Variants in ZDHHC13 observed in about 807,000 individuals in gnomAD.
ZDHHC13 encodes the protein zDHHC palmitoyltransferase 13.
In ZDHHC13, 85 loss-of-function variants were observed where a neutral mutation model predicts 86.0. The ratio of observed to expected loss-of-function variants is 0.99; its 90% CI spans 0.83 to 1.18. The LOEUF is 1.18. ZDHHC13 is among the 50% of genes most tolerant of loss of function. The pLI is 0.00. For synonymous variants in ZDHHC13, 263 were observed against 246.4 expected, an observed-to-expected ratio of 1.07 and a Z score of -0.63; for missense variants, 711 against 730.2, an observed-to-expected ratio of 0.97 and a Z score of 0.30.
rs1848673914 is a variant in ZDHHC13 at position 19,117,641 on chromosome 11, C to T, written c.27+365C>T. 1.8e-5 allele frequency: 5 copies of T among 283,786 alleles called. No individual in the cohort carries two copies. The Admixed American group carries it at 2.6e-4, about 15-fold the overall frequency. 17.6% of individuals were successfully genotyped at this position (283,786 alleles called of 1,614,324 possible). ...GTGACACACCTGATTCGGACCCGCC[C>T]GTCTTGACGTTGGCCCGGAGTCGGA... On this transcript the variant is annotated intron_variant, in intron 1 of 16. Coordinates refer to ENST00000446113, the MANE Select transcript of ZDHHC13 (RefSeq NM_019028.3). The surrounding 1 kb of genome is among the most constrained non-coding windows in gnomAD (Gnocchi z 4.2).
intron 14 of ZDHHC13, chr11:19,166,842 GAATACT>G (rs1488645059): frequency 6.5e-6 from 1 of 152,834 alleles, no homozygotes; most frequent in African/African-American, 2.4e-5. Flanking sequence ...GAACTGATGG[GAATACT>G]AACAGTTAAA....
At chr11:19,172,961 A>C (rs906503321) in intron 16 of ZDHHC13, 141 bp downstream of exon 16, 1 of 672,988 alleles carries the variant, frequency 1.5e-6, no homozygotes, top group Non-Finnish European at 2.4e-6. Flanking sequence ...TTCTTAGAGA[A>C]GCTTTAGTGA....
intron 4 of ZDHHC13, 103 bp downstream of exon 4, chr11:19,147,776 C>CCG: frequency 1.3e-6 from 1 of 762,442 alleles, no homozygotes; most frequent in Non-Finnish European, 1.9e-6. Context: ...TTTTCTTCCC[C>CCG]CCCCCCCTTT....
chr11:19,143,222 T>G, intron 2 of ZDHHC13, 99 bp downstream of exon 2: 1 of 1,271,202 alleles, frequency 7.9e-7, no homozygotes, highest in African/African-American at 1.5e-5. Flanking sequence ...CTCTCTTAAC[T>G]TCATAATAGT....
chr11:19,149,227 G>C lies in ZDHHC13; in HGVS notation c.415G>C (p.Gly139Arg). The C allele has an allele frequency of 6.2e-7, 1 of 1,602,180 alleles. No individual in the cohort carries two copies. The highest frequency in any genetic ancestry group is 8.5e-7 in the Non-Finnish European group (1 of 1,172,978). ...TATGGTCATATTATTACTCCAGCATGGTGCAGACCCCACTCTTATTGATGG... is the reference window on the plus strand; with the variant it reads ...TATGGTCATATTATTACTCCAGCATCGTGCAGACCCCACTCTTATTGATGG... ...LPMVILLLQH[G>R]ADPTLIDGEG... The change falls in exon 5 of 17, where the codon GGT (glycine) becomes CGT (arginine). Residue 139 changes from glycine (G) to arginine (R), a missense_variant. Transcript: ENST00000446113.
At chr11:19,147,779 C>CCT in intron 4 of ZDHHC13, 106 bp downstream of exon 4, 1 of 762,734 alleles carries the variant, frequency 1.3e-6, no homozygotes, top group Non-Finnish European at 1.9e-6. Flanking sequence ...TCTTCCCCCC[C>CCT]CCCCTTTATT....
At chr11:19,164,647 C>G in intron 12 of ZDHHC13, 1 of 449,210 alleles carries the variant, frequency 2.2e-6, no homozygotes, top group Non-Finnish European at 4.0e-6. Flanking sequence ...AACGTCAAAT[C>G]AGAGGCTCAT....
intron 1 of ZDHHC13, among the ~76,000 whole-genome samples, chr11:19,127,684 C>T (rs1045887091): frequency 6.6e-6 from 1 of 152,154 alleles, no homozygotes; most frequent in Non-Finnish European, 1.5e-5. Flanking sequence ...CCAGTAATCC[C>T]AGCACCATTT....
intron 11 of ZDHHC13, 73 bp downstream of exon 11, chr11:19,163,500 C>T: frequency 5.8e-6 from 8 of 1,379,974 alleles, no homozygotes; most frequent in Non-Finnish European, 7.5e-6. Flanking sequence ...TGCACATATG[C>T]AGATGTGTTG....
chr11:19,161,127 G>A (rs1200870314), intron 10 of ZDHHC13, among the ~76,000 whole-genome samples: 2 of 151,934 alleles, frequency 1.3e-5, no homozygotes, highest in Admixed American at 6.6e-5. Flanking sequence ...CTGAGATGCC[G>A]CCCTGGGTTT....
At chr11:19,125,696 G>C (rs953051785) in intron 1 of ZDHHC13, among the ~76,000 whole-genome samples, 3 of 152,198 alleles carry the variant, frequency 2.0e-5, no homozygotes, top group African/African-American at 7.2e-5. Flanking sequence ...AACCCACGCA[G>C]ACTGTTTGGA....
intron 1 of ZDHHC13, among the ~76,000 whole-genome samples, chr11:19,141,416 T>C (rs1414643174): frequency 6.6e-6 from 1 of 152,176 alleles, no homozygotes; most frequent in African/African-American, 2.4e-5. Flanking sequence ...CAAGTAAAAC[T>C]AAGTCTTTGT....
chr11:19,169,989 C>T, intron 14 of ZDHHC13: 2 of 998,792 alleles, frequency 2.0e-6, no homozygotes, highest in Non-Finnish European at 1.2e-6. Flanking sequence ...TATCTTGTGC[C>T]CACAGCAATG....
chr11:19,160,115 A>G lies in ZDHHC13; in HGVS notation c.1108+1075A>G, dbSNP rs1021324929. The stretch of plus-strand genomic sequence containing the variant: ...TATTTTTTCCATAGGAATAAATGTG[A>G]AATGAGATGGCCATAGGAGTTCTCA... On this transcript the variant is annotated intron_variant, in intron 10 of 16. Coordinates refer to ENST00000446113, the MANE Select transcript of ZDHHC13 (RefSeq NM_019028.3). 2.4e-4 allele frequency among the ~76,000 whole-genome samples: 36 copies of G among 152,060 alleles called. 1 individual carries two copies. The highest frequency in any genetic ancestry group is 8.5e-4 in the African/African-American group (35 of 41,292).
At chr11:19,119,196 C>T (rs117368983) in intron 1 of ZDHHC13, among the ~76,000 whole-genome samples, 6,605 of 152,090 alleles carry the variant, frequency 0.043, 258 homozygotes, top group East Asian at 0.21. Flanking sequence ...CTGCAATCTC[C>T]GCCTCCCGGG....
At chr11:19,127,597 T>A (rs987278893) in intron 1 of ZDHHC13, among the ~76,000 whole-genome samples, 4 of 152,220 alleles carry the variant, frequency 2.6e-5, no homozygotes, top group African/African-American at 9.6e-5. Context: ...TACATTTAAA[T>A]CTTTGATCTA....
intron 1 of ZDHHC13, among the ~76,000 whole-genome samples, chr11:19,121,925 G>A (rs111552787): frequency 1.4e-4 from 22 of 152,188 alleles, no homozygotes; most frequent in African/African-American, 5.3e-4. Flanking sequence ...TATTTGGCCC[G>A]TGTCATCAGT....
chr11:19,160,297 T>G (rs1849875222), intron 10 of ZDHHC13, among the ~76,000 whole-genome samples: 1 of 152,024 alleles, frequency 6.6e-6, no homozygotes, highest in Non-Finnish European at 1.5e-5. Flanking sequence ...TTATTATCTC[T>G]TCTTTGTCTC....
chr11:19,130,677 G>A (rs1363014669), intron 1 of ZDHHC13, among the ~76,000 whole-genome samples: 5 of 152,002 alleles, frequency 3.3e-5, no homozygotes, highest in Non-Finnish European at 5.9e-5. Flanking sequence ...GGTAATATAA[G>A]CATTTAAAGC....
Sources: gnomAD v4.1 joint callset for allele counts (sites outside exome capture counted in the v4.1 genomes callset) on GRCh38, gnomAD v4.1.1 for gene constraint, Gnocchi (gnomAD v3.1) non-coding constraint, MANE v1.5 for transcripts, NCBI Gene and HGNC (gene_info 2026-07-23, HGNC 2026-07-21) for gene names.